The following IGLON5 variants were observed in gnomAD, a reference collection of about 807,000 sequenced individuals.
IGLON5 encodes Ig-like domain-containing protein ENSP00000270642.
Under a neutral mutation model 38.2 loss-of-function variants are expected in IGLON5, and 16 were observed. That is an observed-to-expected ratio of 0.42 (90% CI 0.28 to 0.64). The LOEUF is 0.64. IGLON5 is among the 30% of genes least tolerant of loss of function. IGLON5 has a pLI of 0.23. For missense variants in IGLON5, 366 were observed against 483.4 expected, an observed-to-expected ratio of 0.76 and a Z score of 2.28; for synonymous variants, 207 against 216.4, an observed-to-expected ratio of 0.96 and a Z score of 0.38.
At chr19:51,319,456 G>A (rs547552325) in intron 1 of IGLON5, among the ~76,000 whole-genome samples, 118 of 152,248 alleles carry the variant, frequency 7.8e-4, no homozygotes, top group African/African-American at 2.7e-3. Flanking sequence ...CTTTGTGTGC[G>A]TCTGACCCAG....
intron 1 of IGLON5, among the ~76,000 whole-genome samples, chr19:51,315,288 G>C (rs1984890364): frequency 6.6e-6 from 1 of 152,198 alleles, no homozygotes; most frequent in South Asian, 2.1e-4. Flanking sequence ...GGGGGCAGGA[G>C]CCCCAGATTT....
chr19:51,323,638 C>G, intron 2 of IGLON5, 24 bp from the exon 3 acceptor site: 4 of 1,575,676 alleles, frequency 2.5e-6, no homozygotes, highest in Non-Finnish European at 3.5e-6. Context: ...TGGAGAAAAA[C>G]CTTCCCACTC....
At chr19:51,315,332 C>G (rs1984891692) in intron 1 of IGLON5, among the ~76,000 whole-genome samples, 1 of 152,204 alleles carries the variant, frequency 6.6e-6, no homozygotes, top group Non-Finnish European at 1.5e-5. Flanking sequence ...AGCTAGCTCT[C>G]CCCAGGACCT....
Position 51,327,314 on chromosome 19 carries a change from C to T in IGLON5, c.767+114C>T, listed in dbSNP as rs1985242620. The T allele has an allele frequency of 1.4e-6, 2 of 1,423,144 alleles. No homozygotes were observed. The highest frequency in any genetic ancestry group is 1.9e-6 in the Non-Finnish European group (2 of 1,054,316). 88.2% of individuals were successfully genotyped at this position (1,423,144 alleles called of 1,614,324 possible). ...GGGAAGGCAGCAGAGCTCTGGGTCC[C>T]GAACCTGGGGCGTCCAGCTTCTAGG... On this transcript the variant is annotated intron_variant, in intron 6 of 7. Transcript: ENST00000270642. This position sits in a 1 kb window ranked among gnomAD's most constrained non-coding sequence, Gnocchi z 7.1.
intron 1 of IGLON5, among the ~76,000 whole-genome samples, chr19:51,315,688 C>CTTTTTTTTTTTTTTT (rs756194855): frequency 1.2e-5 from 1 of 82,590 alleles, no homozygotes; most frequent in African/African-American, 4.5e-5. Context: ...GGAAGTCAAC[C>CTTTTTTTTTTTTTTT]TTTTTTTTTT....
At chr19:51,318,820 A>G (rs1984984479) in intron 1 of IGLON5, among the ~76,000 whole-genome samples, 3 of 152,192 alleles carry the variant, frequency 2.0e-5, no homozygotes, top group Admixed American at 6.5e-5. Flanking sequence ...GCCTGCTTCA[A>G]TCAGCAGCTG....
rs997366339 is a variant in IGLON5, at chr19:51,313,044, A to C, written c.79+1118A>C. Reference sequence around the variant, plus strand: ...AACCAAGAACCCCGACAGAGTCCCCAAGAGTCTCAGAGAGGCCGCCCGCAT... The same window carrying C: ...AACCAAGAACCCCGACAGAGTCCCCCAGAGTCTCAGAGAGGCCGCCCGCAT... On this transcript the variant is annotated intron_variant, in intron 1 of 7. Transcript: ENST00000270642. Among the ~76,000 whole-genome samples the C allele has an allele frequency of 2.6e-5, 4 of 151,994 alleles. No homozygotes were observed. The South Asian group carries it at 8.3e-4, about 32-fold the overall frequency.
intron 1 of IGLON5, among the ~76,000 whole-genome samples, chr19:51,313,258 A>C (rs893901700): frequency 1.1e-4 from 17 of 151,890 alleles, no homozygotes; most frequent in Admixed American, 3.3e-4. Flanking sequence ...CTTTCTGACC[A>C]CCTGTCTCTG....
chr19:51,326,984 G>A (rs1441847749), intron 5 of IGLON5, 86 bp downstream of exon 5: 13 of 1,580,626 alleles, frequency 8.2e-6, no homozygotes, highest in South Asian at 1.1e-5. Context: ...GGAAGCGGGG[G>A]CGAGACTTAC....
chr19:51,322,705 G>A (rs1387563122), intron 2 of IGLON5, among the ~76,000 whole-genome samples: 3 of 135,936 alleles, frequency 2.2e-5, no homozygotes, highest in Non-Finnish European at 3.1e-5. Flanking sequence ...TTCTCTGTGT[G>A]TGTGTCTCTG....
intron 1 of IGLON5, among the ~76,000 whole-genome samples, chr19:51,320,219 C>T (rs1401823175): frequency 1.3e-5 from 2 of 152,174 alleles, no homozygotes; most frequent in Non-Finnish European, 2.9e-5. Flanking sequence ...GGGTGAGGGG[C>T]TGCAGGGCCC....
intron 4 of IGLON5, among the ~76,000 whole-genome samples, chr19:51,326,235 G>A (rs1985213285): frequency 6.6e-6 from 1 of 151,978 alleles, no homozygotes; most frequent in African/African-American, 2.4e-5. Context: ...GCCTGGTCTT[G>A]ACATCTGGGA....
intron 4 of IGLON5, 122 bp from the exon 5 acceptor site, chr19:51,326,641 TG>T: frequency 4.9e-6 from 1 of 203,278 alleles, no homozygotes; most frequent in South Asian, 4.5e-5. Context: ...CCACCCCCAT[TG>T]ACCCGGGCAC....
chr19:51,324,729 C>A lies in IGLON5; in HGVS notation c.392-617C>A, dbSNP rs1292288155. On this transcript the variant is annotated intron_variant, in intron 3 of 7. Transcript: ENST00000270642. The surrounding 1 kb of genome is among the most constrained non-coding windows in gnomAD (Gnocchi z 4.2). ...CCTACTAGAAAAGAAAAAACAAAAA[C>A]ACTGCCAGCGATACCCTGGCATCCT... Among the ~76,000 whole-genome samples, 1 of 151,532 alleles carries A rather than the reference C, an allele frequency of 6.6e-6. No homozygotes were observed. Among genetic ancestry groups the A allele is most frequent in the Non-Finnish European group, 1.5e-5 (1 of 67,968 alleles).
intron 1 of IGLON5, among the ~76,000 whole-genome samples, chr19:51,316,828 G>A (rs1247154905): frequency 1.3e-5 from 2 of 152,042 alleles, no homozygotes; most frequent in South Asian, 2.1e-4. Context: ...AAAGGGAGGA[G>A]GACCCTCCTG....
chr19:51,327,887 G>T lies in IGLON5; in HGVS notation c.922+1G>T. 1 of 1,506,394 alleles carries T rather than the reference G, an allele frequency of 6.6e-7. No individual in the cohort carries two copies. Among genetic ancestry groups the T allele is most frequent in the Non-Finnish European group, 8.9e-7 (1 of 1,125,528 alleles). The allele number at this position is 1,506,394 out of a possible 1,614,324, so 93.3% of individuals were successfully genotyped here. A position where few individuals can be genotyped will look rare whatever the true frequency, so the allele number is the denominator to read the frequency against. On this transcript the variant is annotated splice_donor_variant, in intron 7 of 7. Coordinates refer to ENST00000270642, the MANE Select transcript of IGLON5 (RefSeq NM_001101372.3). LOFTEE classifies it high-confidence loss of function. This position sits in a 1 kb window ranked among gnomAD's most constrained non-coding sequence, Gnocchi z 7.1. ...TCCAGCGCCTCCATGCGGCTCCTGC[G>T]TGCGTCTTCGGGCGGGGCGGGGCCG...
chr19:51,329,788 C>T lies in IGLON5; in HGVS notation c.*1029C>T. On this transcript the variant is annotated 3_prime_UTR_variant, in exon 8 of 8. Transcript: ENST00000270642. The surrounding 1 kb of genome is among the most constrained non-coding windows in gnomAD (Gnocchi z 4.3). ...CCCAAAGGCTACCTGACCGCCCTCA[C>T]AGACACTCAGACGCACCACACACAC... 6.6e-6 allele frequency: 1 copy of T among 152,218 alleles called. No individual in the cohort carries two copies. The highest frequency in any genetic ancestry group is 1.5e-5 in the Non-Finnish European group (1 of 68,450). The allele number at this position is 152,218 out of a possible 1,614,324, so 9.4% of individuals were successfully genotyped here.
rs192603166 is a variant in IGLON5, at chr19:51,320,251, C to T, written c.80-1813C>T. On this transcript the variant is annotated intron_variant, in intron 1 of 7. Coordinates refer to ENST00000270642, the MANE Select transcript of IGLON5 (RefSeq NM_001101372.3). ...GCCCAGCCCCAAGCCCCAGAGCCTGCCAACCCACTGCACCTGGCTCCGTCC... is the reference window on the plus strand; with the variant it reads ...GCCCAGCCCCAAGCCCCAGAGCCTGTCAACCCACTGCACCTGGCTCCGTCC... 4.5e-3 allele frequency among the ~76,000 whole-genome samples: 688 copies of T among 152,296 alleles called. 5 individuals carry two copies. Among genetic ancestry groups the T allele is most frequent in the African/African-American group, 0.015 (636 of 41,576 alleles).
At chr19:51,320,637 C>T (rs1985031982) in intron 1 of IGLON5, among the ~76,000 whole-genome samples, 1 of 152,230 alleles carries the variant, frequency 6.6e-6, no homozygotes, top group South Asian at 2.1e-4. Context: ...CTTGAGCACA[C>T]AGTGTGCCTG....
Sources: allele counts gnomAD v4.1 joint callset (sites outside exome capture counted in the v4.1 genomes callset), GRCh38; gene constraint gnomAD v4.1.1; non-coding constraint Gnocchi (gnomAD v3.1); transcripts MANE v1.5; gene names NCBI Gene and HGNC (gene_info 2026-07-23, HGNC 2026-07-21).